The following SINHCAF variants were observed in gnomAD, a reference collection of about 807,000 sequenced individuals.
SINHCAF encodes SIN3-HDAC complex-associated factor.
A neutral mutation model predicts 25.8 loss-of-function variants in SINHCAF; 3 were observed. That is an observed-to-expected ratio of 0.12 (90% CI 0.05 to 0.30). The LOEUF is 0.30. SINHCAF is among the 10% of genes least tolerant of loss of function. The probability of loss-of-function intolerance (pLI) is 1.00; values close to 1 mark genes in which losing one functional copy is unlikely to be tolerated. For missense variants in SINHCAF, 121 were observed against 262.3 expected (o/e 0.46, Z 3.72); for synonymous variants, 70 against 85.5 (o/e 0.82, Z 1.00).
At chr12:31,290,514 T>C (rs1938267114) in intron 4 of SINHCAF, among the ~76,000 whole-genome samples, 1 of 152,182 alleles carries the variant, frequency 6.6e-6, no homozygotes, top group Non-Finnish European at 1.5e-5. Flanking sequence ...AAAGCCCCGT[T>C]AGTATTTTTA....
intron 1 of SINHCAF, among the ~76,000 whole-genome samples, chr12:31,323,633 C>T (rs1005570388): frequency 3.3e-5 from 5 of 152,138 alleles, no homozygotes; most frequent in African/African-American, 1.2e-4. Flanking sequence ...AACTGCACCG[C>T]CCTACCACCT....
chr12:31,284,764 T>C (rs1210036168), intron 5 of SINHCAF, among the ~76,000 whole-genome samples: 1 of 152,216 alleles, frequency 6.6e-6, no homozygotes, highest in Non-Finnish European at 1.5e-5. Context: ...GCTATATACA[T>C]ATGTGGCCTT....
intron 4 of SINHCAF, among the ~76,000 whole-genome samples, chr12:31,289,685 T>A (rs761949313): frequency 6.6e-6 from 1 of 152,170 alleles, no homozygotes; most frequent in Non-Finnish European, 1.5e-5. Flanking sequence ...CCAGGACACG[T>A]TGACAGAGCA....
rs1359571868 is a variant in SINHCAF at position 31,281,157 on chromosome 12, C to G, written c.*1555G>C. On this transcript the variant is annotated 3_prime_UTR_variant, in exon 6 of 6. Coordinates refer to ENST00000337682, the MANE Select transcript of SINHCAF (RefSeq NM_001135812.2). ...TATTACAAGGCAGGCAAATGTTTCT[C>G]CCTCATTTTGAAAAGACTGAACTGG... 13 of 152,166 alleles carry G rather than the reference C, an allele frequency of 8.5e-5. No homozygotes were observed. The highest frequency in any genetic ancestry group is 8.5e-4 in the Admixed American group (13 of 15,286). 9.4% of individuals were successfully genotyped at this position (152,166 alleles called of 1,614,324 possible).
chr12:31,317,826 T>G (rs939004682), intron 1 of SINHCAF, among the ~76,000 whole-genome samples: 23 of 152,126 alleles, frequency 1.5e-4, no homozygotes, highest in Non-Finnish European at 2.2e-4. Context: ...GGAAGGAAAC[T>G]GCAGACAGGA....
intron 1 of SINHCAF, among the ~76,000 whole-genome samples, chr12:31,314,697 CA>C (rs1939430828): frequency 6.6e-6 from 1 of 152,088 alleles, no homozygotes; most frequent in South Asian, 2.1e-4. Flanking sequence ...TCATCCTACC[CA>C]CTTTTGCTAC....
intron 1 of SINHCAF, among the ~76,000 whole-genome samples, chr12:31,311,422 C>G (rs1393599598): frequency 6.6e-6 from 1 of 152,302 alleles, no homozygotes; most frequent in East Asian, 1.9e-4. Flanking sequence ...TTTGGTAAAG[C>G]AAATCCGATC....
chr12:31,309,230 T>C (rs1055151246), intron 1 of SINHCAF, among the ~76,000 whole-genome samples: 23 of 151,564 alleles, frequency 1.5e-4, no homozygotes, highest in Non-Finnish European at 3.4e-4. Flanking sequence ...GGTATTATAA[T>C]ACTGTCTACA....
At chr12:31,303,876 C>A (rs1168038417) in intron 1 of SINHCAF, 1 of 152,152 alleles carries the variant, frequency 6.6e-6, no homozygotes. Flanking sequence ...TTGAGAAGAT[C>A]AGTAGTTTGT....
intron 1 of SINHCAF, among the ~76,000 whole-genome samples, chr12:31,319,906 G>T (rs1939635171): frequency 6.6e-6 from 1 of 151,852 alleles, no homozygotes. Context: ...ACCTATCTTG[G>T]TTGTCATCCA....
At chr12:31,284,585 T>C (rs1937955105) in intron 5 of SINHCAF, among the ~76,000 whole-genome samples, 1 of 152,196 alleles carries the variant, frequency 6.6e-6, no homozygotes. Flanking sequence ...TAATCTATTT[T>C]CTACTTTAAT....
intron 1 of SINHCAF, among the ~76,000 whole-genome samples, chr12:31,322,471 C>T (rs1378102520): frequency 6.6e-6 from 1 of 152,152 alleles, no homozygotes; most frequent in Non-Finnish European, 1.5e-5. Context: ...CATGCTCTTT[C>T]TATTTAATAC....
At chr12:31,291,485 T>C (rs1938314814) in intron 4 of SINHCAF, among the ~76,000 whole-genome samples, 1 of 152,172 alleles carries the variant, frequency 6.6e-6, no homozygotes, top group African/African-American at 2.4e-5. Context: ...AATACAGGGC[T>C]GGGCACGGTG....
At position 31,282,826 on chromosome 12, in the gene SINHCAF, T is replaced by C; in HGVS notation, c.552A>G (p.Glu184=). The C allele has an allele frequency of 1.2e-6, 2 of 1,612,420 alleles. No individual in the cohort carries two copies. The highest frequency in any genetic ancestry group is 1.7e-6 in the Non-Finnish European group (2 of 1,179,504). Residue 184 remains glutamate (E), a synonymous_variant, in exon 6 of 6, where the codon GAA becomes GAG. Coordinates refer to ENST00000337682, the MANE Select transcript of SINHCAF (RefSeq NM_001135812.2). ...TGAAGAGATGTGTGTCAATGAGGAC[T>C]TCCCCAAAACGGCCTTTATAGATGA... The part of the protein sequence containing the change: ...CGIIYKGRFG[E]VLIDTHLFKP...
chr12:31,310,078 C>T (rs1363419184), intron 1 of SINHCAF, among the ~76,000 whole-genome samples: 2 of 152,068 alleles, frequency 1.3e-5, no homozygotes, highest in Non-Finnish European at 2.9e-5. Flanking sequence ...TTATGGATGT[C>T]GTGGAAATTT....
intron 1 of SINHCAF, among the ~76,000 whole-genome samples, chr12:31,299,072 A>G (rs1012627399): frequency 6.6e-6 from 1 of 152,052 alleles, no homozygotes. Flanking sequence ...TCAAGGAAGG[A>G]ATGAAAACAG....
At chr12:31,318,663 A>G (rs1039592598) in intron 1 of SINHCAF, among the ~76,000 whole-genome samples, 84 of 151,730 alleles carry the variant, frequency 5.5e-4, no homozygotes, top group African/African-American at 1.9e-3. Context: ...AAAAAAAAAA[A>G]AGAGAAACAA....
At chr12:31,306,943 C>G (rs1394963377) in intron 1 of SINHCAF, among the ~76,000 whole-genome samples, 1 of 152,182 alleles carries the variant, frequency 6.6e-6, no homozygotes, top group Non-Finnish European at 1.5e-5. Flanking sequence ...CATGGCACAT[C>G]CTGCTTTAAC....
chr12:31,297,801 A>C (rs1332777642), intron 2 of SINHCAF, among the ~76,000 whole-genome samples: 1 of 152,000 alleles, frequency 6.6e-6, no homozygotes, highest in African/African-American at 2.4e-5. Flanking sequence ...AGCCTTTTTA[A>C]AAATTAACCA....
Sources: allele counts gnomAD v4.1 joint callset (sites outside exome capture counted in the v4.1 genomes callset), GRCh38; gene constraint gnomAD v4.1.1; transcripts MANE v1.5; gene names NCBI Gene and HGNC (gene_info 2026-07-23, HGNC 2026-07-21).